The following PRKCE variants were observed in gnomAD, a reference collection of about 807,000 sequenced individuals.
PRKCE encodes the protein protein kinase C epsilon type.
PRKCE carries 16 observed loss-of-function variants against 85.4 expected under a neutral mutation model. That is an observed-to-expected ratio of 0.19 (90% CI 0.13 to 0.28). The LOEUF (loss-of-function observed/expected upper bound fraction) is 0.28. PRKCE is among the 10% of genes least tolerant of loss of function. PRKCE has a pLI of 1.00. For synonymous variants in PRKCE, 388 were observed against 371.5 expected, an observed-to-expected ratio of 1.04 and a Z score of -0.51; for missense variants, 573 against 975.2, an observed-to-expected ratio of 0.59 and a Z score of 5.49.
At chr2:45,749,261 A>G (rs1465195896) in intron 1 of PRKCE, among the ~76,000 whole-genome samples, 1 of 152,218 alleles carries the variant, frequency 6.6e-6, no homozygotes, top group Non-Finnish European at 1.5e-5. Context: ...AGAAAAGCCA[A>G]TCTATTTAAT....
chr2:46,129,740 G>C (rs1674234577), intron 11 of PRKCE, among the ~76,000 whole-genome samples: 1 of 152,208 alleles, frequency 6.6e-6, no homozygotes, highest in Non-Finnish European at 1.5e-5. Context: ...CCTGTTCCTT[G>C]CCCCAGCAAA....
At chr2:45,681,216 G>T (rs1440326320) in intron 1 of PRKCE, among the ~76,000 whole-genome samples, 1 of 141,680 alleles carries the variant, frequency 7.1e-6, no homozygotes, top group Non-Finnish European at 1.5e-5. Flanking sequence ...TTGAACCCAG[G>T]AGGCAGAGGT....
At chr2:45,929,491 A>G (rs569952064) in intron 2 of PRKCE, among the ~76,000 whole-genome samples, 6 of 152,240 alleles carry the variant, frequency 3.9e-5, no homozygotes, top group African/African-American at 1.4e-4. Context: ...AGCATGAAAG[A>G]AAAGATGCAG....
In PRKCE at chr2:46,185,911, A is replaced by G. The variant is rs1009155952; in HGVS notation, c.*1030A>G. The G allele has an allele frequency of 1.3e-5, 2 of 152,248 alleles. No individual in the cohort carries two copies. The highest frequency in any genetic ancestry group is 4.8e-5 in the African/African-American group (2 of 41,470). The allele number at this position is 152,248 out of a possible 1,614,324, so 9.4% of individuals were successfully genotyped here. A position where few individuals can be genotyped will look rare whatever the true frequency, so the allele number is the denominator to read the frequency against. On this transcript the variant is annotated 3_prime_UTR_variant, in exon 15 of 15. Coordinates refer to ENST00000306156, the MANE Select transcript of PRKCE (RefSeq NM_005400.3). The surrounding 1 kb of genome is among the most constrained non-coding windows in gnomAD (Gnocchi z 4.7). ...AGCAGTGTGTTATTTTTGCGCACTT[A>G]TACAAAATGGTAGTACTACTGTGTT...
intron 1 of PRKCE, among the ~76,000 whole-genome samples, chr2:45,839,217 T>A (rs1466833920): frequency 6.6e-6 from 1 of 151,830 alleles, no homozygotes; most frequent in African/African-American, 2.4e-5. Flanking sequence ...ATTTCACGGA[T>A]GAAGAGGCTG....
chr2:45,885,994 C>G (rs1485928214), intron 2 of PRKCE, among the ~76,000 whole-genome samples: 2 of 152,224 alleles, frequency 1.3e-5, no homozygotes, highest in African/African-American at 4.8e-5. Flanking sequence ...CTCCCCAGAA[C>G]GTGAATCTTT....
intron 1 of PRKCE, among the ~76,000 whole-genome samples, chr2:45,667,144 C>T (rs1377205148): frequency 1.3e-5 from 2 of 151,950 alleles, no homozygotes; most frequent in Admixed American, 1.3e-4. Context: ...AACCCCATCT[C>T]TACTAAAAAT....
chr2:46,122,682 AT>A (rs1673426057), intron 11 of PRKCE, among the ~76,000 whole-genome samples: 1 of 152,134 alleles, frequency 6.6e-6, no homozygotes, highest in Admixed American at 6.6e-5. Context: ...GAGGGGTTAA[AT>A]TGGGCCTGAC....
chr2:46,152,503 A>G (rs1161926460), intron 13 of PRKCE, among the ~76,000 whole-genome samples: 3 of 152,114 alleles, frequency 2.0e-5, no homozygotes, highest in African/African-American at 7.2e-5. Flanking sequence ...AAGAAATTTT[A>G]TACCATTATC....
intron 1 of PRKCE, among the ~76,000 whole-genome samples, chr2:45,760,558 G>A (rs1684383294): frequency 6.6e-6 from 1 of 152,168 alleles, no homozygotes; most frequent in South Asian, 2.1e-4. Context: ...TGAACACCAA[G>A]GCGTGACACG....
chr2:46,160,964 C>G (rs949038079), intron 14 of PRKCE, among the ~76,000 whole-genome samples: 2 of 152,244 alleles, frequency 1.3e-5, no homozygotes, highest in African/African-American at 4.8e-5. Flanking sequence ...CCCGTTACCA[C>G]TCCTCATTCG....
intron 1 of PRKCE, among the ~76,000 whole-genome samples, chr2:45,798,604 A>G (rs1225816969): frequency 6.6e-5 from 10 of 152,264 alleles, no homozygotes; most frequent in Non-Finnish European, 4.4e-5. Flanking sequence ...AGAGTTTTAT[A>G]TGATTGAAAG....
chr2:46,147,282 C>T (rs1676160637), intron 12 of PRKCE, among the ~76,000 whole-genome samples: 1 of 152,240 alleles, frequency 6.6e-6, no homozygotes, highest in African/African-American at 2.4e-5. Context: ...TTCGTTCATT[C>T]TTCATTGTCA....
intron 1 of PRKCE, among the ~76,000 whole-genome samples, chr2:45,662,177 G>C (rs1366657303): frequency 6.6e-6 from 1 of 152,208 alleles, no homozygotes; most frequent in Non-Finnish European, 1.5e-5. Context: ...AGTGGACAGA[G>C]TAGTATATTC....
At chr2:46,044,506 TGTG>T (rs577219226) in intron 10 of PRKCE, among the ~76,000 whole-genome samples, 30 of 152,372 alleles carry the variant, frequency 2.0e-4, no homozygotes, top group Admixed American at 2.6e-4. Flanking sequence ...TTAACTGTGA[TGTG>T]GTCCCATTTT....
Position 46,101,338 on chromosome 2 carries a change from G to A in PRKCE, c.1592+14976G>A, listed in dbSNP as rs79931618. ...TTACAGGGATACCTCAGCCAGTTTA[G>A]AAAAAGTCAAGGAAGGCTTTCTGGA... On this transcript the variant is annotated intron_variant, in intron 11 of 14. Transcript: ENST00000306156. Among the ~76,000 whole-genome samples, 322 of 152,288 alleles carry A rather than the reference G, an allele frequency of 2.1e-3. 5 individuals are homozygous for A. The East Asian group carries it at 0.045, about 21-fold the overall frequency.
intron 1 of PRKCE, among the ~76,000 whole-genome samples, chr2:45,812,307 C>T (rs574277878): frequency 9.2e-5 from 14 of 152,312 alleles, no homozygotes; most frequent in South Asian, 4.2e-4. Flanking sequence ...AGCCACAGAT[C>T]TTGTACGGGA....
chr2:45,714,328 T>TAC (rs1355124106), intron 1 of PRKCE, among the ~76,000 whole-genome samples: 1 of 152,108 alleles, frequency 6.6e-6, no homozygotes, highest in African/African-American at 2.4e-5. Context: ...AGGACTGTCC[T>TAC]ACAAAGATGC....
chr2:45,734,188 A>AC (rs1457229083), intron 1 of PRKCE, among the ~76,000 whole-genome samples: 1 of 152,134 alleles, frequency 6.6e-6, no homozygotes, highest in East Asian at 1.9e-4. Flanking sequence ...AACATGGTGA[A>AC]ACCCCGTCTC....
Sources: allele counts gnomAD v4.1 joint callset (sites outside exome capture counted in the v4.1 genomes callset), GRCh38; gene constraint gnomAD v4.1.1; non-coding constraint Gnocchi (gnomAD v3.1); transcripts MANE v1.5; gene names NCBI Gene and HGNC (gene_info 2026-07-23, HGNC 2026-07-21).